DENND1A: variants seen among roughly 807,000 people sequenced by gnomAD.
DENND1A encodes the protein DENN domain-containing protein 1A.
In DENND1A, 51 loss-of-function variants were observed where a neutral mutation model predicts 113.7. The observed-to-expected ratio is 0.45, with a 90% CI of 0.36 to 0.57. The LOEUF (loss-of-function observed/expected upper bound fraction) is 0.57. DENND1A is among the 20% of genes least tolerant of loss of function. The probability of loss-of-function intolerance (pLI) is 0.00; values close to 1 mark genes in which losing one functional copy is unlikely to be tolerated. For missense variants in DENND1A, 1,258 were observed against 1,395.9 expected (o/e 0.90, Z 1.57); for synonymous variants, 565 against 570.8 (o/e 0.99, Z 0.14).
chr9:123,668,900 T>G (rs1048161071), intron 7 of DENND1A, among the ~76,000 whole-genome samples: 4 of 152,176 alleles, frequency 2.6e-5, no homozygotes, highest in African/African-American at 9.7e-5. Flanking sequence ...AGATACCAAC[T>G]TCTATACCAA....
chr9:123,728,500 A>AAAAAAAAAAAAAAC (rs2067903793), intron 5 of DENND1A, among the ~76,000 whole-genome samples: 1 of 146,984 alleles, frequency 6.8e-6, no homozygotes, highest in Non-Finnish European at 1.5e-5. Context: ...AAAAAAAAAA[A>AAAAAAAAAAAAAAC]AAAAAAAAAA....
intron 20 of DENND1A, among the ~76,000 whole-genome samples, chr9:123,404,374 C>G (rs1320221831): frequency 6.6e-6 from 1 of 152,260 alleles, no homozygotes; most frequent in African/African-American, 2.4e-5. Context: ...TCTGTACACT[C>G]CCAGTGCCCG....
rs200829745 is a variant in DENND1A at position 123,916,545 on chromosome 9, G to A, written c.17+13344C>T. 2.7e-4 allele frequency among the ~76,000 whole-genome samples: 41 copies of A among 152,030 alleles called. No individual in the cohort carries two copies. The East Asian group carries it at 7.7e-3, about 29-fold the overall frequency. On this transcript the variant is annotated intron_variant, in intron 1 of 23. Coordinates refer to ENST00000394215, the MANE Select transcript of DENND1A (RefSeq NM_001352964.2). The stretch of plus-strand genomic sequence containing the variant: ...GTGCCACCACGCCCAGCTTATTTTT[G>A]TATTTTTAGTAGAGACGGGGTTTCT...
chr9:123,820,340 G>A (rs1838254920), intron 2 of DENND1A, among the ~76,000 whole-genome samples: 1 of 152,196 alleles, frequency 6.6e-6, no homozygotes, highest in Admixed American at 6.5e-5. Context: ...ATTGGGTATA[G>A]GCCTTTAGAG....
intron 2 of DENND1A, among the ~76,000 whole-genome samples, chr9:123,844,038 A>T (rs1443373105): frequency 6.6e-6 from 1 of 152,182 alleles, no homozygotes; most frequent in Non-Finnish European, 1.5e-5. Flanking sequence ...AATAAAAAAA[A>T]TTAAACAAAC....
chr9:123,688,000 C>A (rs1439912217), intron 5 of DENND1A, among the ~76,000 whole-genome samples: 1 of 152,202 alleles, frequency 6.6e-6, no homozygotes, highest in African/African-American at 2.4e-5. Context: ...CTGCTGTGCA[C>A]CAAACCGATC....
chr9:123,707,490 A>G (rs574367047), intron 5 of DENND1A, among the ~76,000 whole-genome samples: 1 of 152,262 alleles, frequency 6.6e-6, no homozygotes, highest in Non-Finnish European at 1.5e-5. Flanking sequence ...CTGGCAAAGG[A>G]GACAGAAAGA....
intron 12 of DENND1A, among the ~76,000 whole-genome samples, chr9:123,573,928 C>G (rs999390306): frequency 2.0e-5 from 3 of 151,746 alleles, no homozygotes; most frequent in African/African-American, 7.3e-5. Context: ...AGTGAGAATA[C>G]TTCATTTTCT....
chr9:123,563,784 C>T (rs763836405), intron 12 of DENND1A, among the ~76,000 whole-genome samples: 7 of 152,158 alleles, frequency 4.6e-5, no homozygotes, highest in African/African-American at 7.2e-5. Context: ...ATATTTAAGG[C>T]CTGTTATGGG....
intron 19 of DENND1A, among the ~76,000 whole-genome samples, chr9:123,435,074 T>C (rs989813743): frequency 2.0e-5 from 3 of 151,956 alleles, no homozygotes; most frequent in African/African-American, 7.3e-5. Flanking sequence ...GGGTGGAAGA[T>C]GGAGGAGTGA....
At chr9:123,824,714 T>C (rs1839032477) in intron 2 of DENND1A, among the ~76,000 whole-genome samples, 1 of 152,188 alleles carries the variant, frequency 6.6e-6, no homozygotes, top group Non-Finnish European at 1.5e-5. Context: ...TACTGTAAAC[T>C]GTTAATTTAT....
intron 12 of DENND1A, among the ~76,000 whole-genome samples, chr9:123,576,548 G>C (rs1208839912): frequency 1.3e-5 from 2 of 152,088 alleles, no homozygotes; most frequent in South Asian, 4.1e-4. Context: ...TCCCAGGCTG[G>C]AGTGCAGTGG....
chr9:123,557,063 G>A (rs1027069843), intron 13 of DENND1A, among the ~76,000 whole-genome samples: 2 of 152,234 alleles, frequency 1.3e-5, no homozygotes, highest in Admixed American at 6.5e-5. Flanking sequence ...GCCATGAGGC[G>A]TGAGACCCAG....
At chr9:123,790,387 G>GA (rs35840055) in intron 3 of DENND1A, among the ~76,000 whole-genome samples, 15,797 of 145,400 alleles carry the variant, frequency 0.11, 1,153 homozygotes, top group Non-Finnish European at 0.16. Context: ...TATAGGAGGC[G>GA]AAAAAAAAAA....
At chr9:123,410,225 G>A (rs1216915082) in intron 20 of DENND1A, among the ~76,000 whole-genome samples, 12 of 152,234 alleles carry the variant, frequency 7.9e-5, no homozygotes, top group South Asian at 2.1e-4. Context: ...GACTCAGAGA[G>A]CTTCAGTGCT....
intron 13 of DENND1A, among the ~76,000 whole-genome samples, chr9:123,468,958 A>C (rs543815136): frequency 4.6e-5 from 7 of 152,202 alleles, no homozygotes; most frequent in Non-Finnish European, 1.0e-4. Flanking sequence ...ATACAGGTGA[A>C]GCACATTGCC....
chr9:123,452,249 G>A (rs766741136), intron 17 of DENND1A, 27 bp downstream of exon 17: 3 of 1,607,006 alleles, frequency 1.9e-6, no homozygotes, highest in African/African-American at 2.7e-5. Context: ...ATCTGTTTTG[G>A]CTCCTGACAG....
chr9:123,661,110 A>G (rs895210879), intron 8 of DENND1A, among the ~76,000 whole-genome samples: 2 of 152,264 alleles, frequency 1.3e-5, no homozygotes, highest in African/African-American at 4.8e-5. Flanking sequence ...CCGAGCATTC[A>G]GCCCAACTCA....
At chr9:123,891,924 T>C (rs1849963475) in intron 1 of DENND1A, among the ~76,000 whole-genome samples, 1 of 152,074 alleles carries the variant, frequency 6.6e-6, no homozygotes, top group African/African-American at 2.4e-5. Flanking sequence ...GCTCACCACT[T>C]TGAGAGTTTC....
Sources: allele counts gnomAD v4.1 joint callset (sites outside exome capture counted in the v4.1 genomes callset), GRCh38; gene constraint gnomAD v4.1.1; transcripts MANE v1.5; gene names NCBI Gene and HGNC (gene_info 2026-07-23, HGNC 2026-07-21).